Variants in GABRA3 observed in about 807,000 individuals in gnomAD.
The protein encoded by GABRA3 is gamma-aminobutyric acid type A receptor subunit alpha3.
Under a neutral mutation model 30.1 loss-of-function variants are expected in GABRA3, and 10 were observed. The observed-to-expected ratio is 0.33, with a 90% CI of 0.20 to 0.56. The LOEUF (loss-of-function observed/expected upper bound fraction) is 0.56. GABRA3 is among the 20% of genes least tolerant of loss of function. The probability of loss-of-function intolerance (pLI) is 0.89; values close to 1 mark genes in which losing one functional copy is unlikely to be tolerated. For synonymous variants in GABRA3, 151 were observed against 146.8 expected (o/e 1.03, Z -0.21); for missense variants, 233 against 392.0 (o/e 0.59, Z 3.42).
intron 9 of GABRA3, among the ~76,000 whole-genome samples, chrX:152,175,792 C>T (rs183387770): frequency 7.2e-5 from 8 of 111,060 alleles, no homozygotes; most frequent in African/African-American, 9.8e-5. Context: ...AGGCTGGGCA[C>T]GGTGCCTCAC....
chrX:152,419,147 G>A lies in GABRA3; in HGVS notation c.-27+31999C>T, dbSNP rs192891210. On this transcript the variant is annotated intron_variant, in intron 1 of 9. Transcript: ENST00000370314. Reference sequence around the variant, plus strand: ...CACACACCGGGGTCTGTTGTGGGGTGGGGGGTGCGGGGAGGGATAGCATTT... The same window carrying A: ...CACACACCGGGGTCTGTTGTGGGGTAGGGGGTGCGGGGAGGGATAGCATTT... Among the ~76,000 whole-genome samples, 553 of 110,097 alleles carry A rather than the reference G, an allele frequency of 5.0e-3. 17 individuals are homozygous for A. In the East Asian group the frequency reaches 0.071, roughly 14 times the overall value.
intron 1 of GABRA3, among the ~76,000 whole-genome samples, chrX:152,373,772 C>T (rs1928908625): frequency 9.2e-6 from 1 of 108,855 alleles, no homozygotes; most frequent in Non-Finnish European, 1.9e-5. Context: ...TGCTATCCCT[C>T]CCCCATCCCC....
intron 3 of GABRA3, among the ~76,000 whole-genome samples, chrX:152,304,432 G>A (rs752794501): frequency 6.2e-5 from 7 of 112,198 alleles, no homozygotes; most frequent in South Asian, 7.4e-4. Context: ...GTAGTTTGGC[G>A]TCTTATATTT....
chrX:152,258,504 A>C (rs1938675305), intron 4 of GABRA3, among the ~76,000 whole-genome samples: 1 of 111,889 alleles, frequency 8.9e-6, no homozygotes, highest in Non-Finnish European at 1.9e-5. Flanking sequence ...GGGGAGAAAA[A>C]ATATTCAAAG....
chrX:152,311,156 T>C (rs936472895), intron 3 of GABRA3, among the ~76,000 whole-genome samples: 1 of 111,615 alleles, frequency 9.0e-6, no homozygotes, highest in African/African-American at 3.3e-5. Context: ...GTAACAATCC[T>C]ACCATCTATT....
At chrX:152,348,089 A>AT (rs759783802) in intron 2 of GABRA3, among the ~76,000 whole-genome samples, 2 of 111,628 alleles carry the variant, frequency 1.8e-5, no homozygotes, top group Non-Finnish European at 3.8e-5. Context: ...TTTATTACTG[A>AT]TTTTTTTTCT....
chrX:152,280,309 C>CAT (rs1370335834), intron 4 of GABRA3, among the ~76,000 whole-genome samples: 4 of 111,462 alleles, frequency 3.6e-5, no homozygotes, highest in Non-Finnish European at 7.5e-5. Context: ...TCTGCAATGC[C>CAT]ATATCCTGTG....
At chrX:152,226,818 C>A (rs2124383517) in intron 5 of GABRA3, among the ~76,000 whole-genome samples, 1 of 111,967 alleles carries the variant, frequency 8.9e-6, no homozygotes, top group Admixed American at 9.5e-5. Flanking sequence ...AAATGCAAAT[C>A]AAAACCACAA....
intron 3 of GABRA3, among the ~76,000 whole-genome samples, chrX:152,291,845 C>A (rs1404596732): frequency 1.8e-5 from 2 of 112,100 alleles, no homozygotes; most frequent in Non-Finnish European, 3.8e-5. Context: ...ACCAGCCTTG[C>A]ATCCCAGGGA....
intron 3 of GABRA3, among the ~76,000 whole-genome samples, chrX:152,318,547 C>A (rs747538466): frequency 9.0e-6 from 1 of 111,271 alleles, no homozygotes; most frequent in South Asian, 3.8e-4. Context: ...GACCAATATC[C>A]ATGATGAACA....
intron 1 of GABRA3, among the ~76,000 whole-genome samples, chrX:152,384,226 AAC>A (rs1446864736): frequency 9.0e-6 from 1 of 111,631 alleles, no homozygotes; most frequent in Non-Finnish European, 1.9e-5. Context: ...CATTGAAGAA[AAC>A]ACAAATAAAT....
intron 1 of GABRA3, among the ~76,000 whole-genome samples, chrX:152,412,382 C>G (rs1930096303): frequency 9.0e-6 from 1 of 111,654 alleles, no homozygotes; most frequent in South Asian, 3.7e-4. Context: ...AATGTCATAG[C>G]AGTACACTTC....
intron 1 of GABRA3, among the ~76,000 whole-genome samples, chrX:152,443,242 A>G (rs1930980314): frequency 8.9e-6 from 1 of 111,997 alleles, no homozygotes; most frequent in South Asian, 3.7e-4. Context: ...GAAATATAAA[A>G]AAGTATTCAA....
chrX:152,277,373 TATA>T (rs1182824312), intron 4 of GABRA3, among the ~76,000 whole-genome samples: 1 of 111,665 alleles, frequency 9.0e-6, no homozygotes, highest in Non-Finnish European at 1.9e-5. Flanking sequence ...GAATTATTAC[TATA>T]ATGTCTTTTT....
chrX:152,317,277 T>C (rs975002601), intron 3 of GABRA3, among the ~76,000 whole-genome samples: 23 of 111,525 alleles, frequency 2.1e-4, no homozygotes, highest in Admixed American at 5.7e-4. Flanking sequence ...GTCACAAACC[T>C]AAATATATAT....
At chrX:152,180,089 C>T (rs145356115) in intron 9 of GABRA3, among the ~76,000 whole-genome samples, 290 of 111,596 alleles carry the variant, frequency 2.6e-3, no homozygotes, top group African/African-American at 8.6e-3. Context: ...GTAGTGGGGT[C>T]GATCAACCAT....
At position 152,376,798 on chromosome X, in the gene GABRA3, TTCTG is replaced by T. The variant is rs751781769; in HGVS notation, c.-26-12206_-26-12203del. Among the ~76,000 whole-genome samples, 475 of 111,853 alleles carry T rather than the reference TTCTG, an allele frequency of 4.2e-3. 1 individual carries two copies. Among genetic ancestry groups the T allele is most frequent in the African/African-American group, 0.015 (461 of 30,801 alleles). The stretch of plus-strand genomic sequence containing the variant: ...TGATACCAATCTAATTACACTGCAG[TTCTG>T]TCTATTTCTATTCAATATTTTTGTG... On this transcript the variant is annotated intron_variant, in intron 1 of 9. Transcript: ENST00000370314.
At chrX:152,319,255 A>G (rs1939924947) in intron 3 of GABRA3, among the ~76,000 whole-genome samples, 1 of 111,827 alleles carries the variant, frequency 8.9e-6, no homozygotes, top group Admixed American at 9.5e-5. Flanking sequence ...ACCAAAAAAG[A>G]GCCCACATAG....
At position 152,252,147 on chromosome X, in the gene GABRA3, C is replaced by T. The variant is rs767917244; in HGVS notation, c.551+3631G>A. Among the ~76,000 whole-genome samples, 6 of 111,202 alleles carry T rather than the reference C, an allele frequency of 5.4e-5. No individual in the cohort carries two copies. In the East Asian group the frequency reaches 1.4e-3, roughly 26 times the overall value. On this transcript the variant is annotated intron_variant, in intron 5 of 9. Transcript: ENST00000370314. ...GTAGCTATGATACCTCCCTCCCTTT[C>T]ATTTTTCAAACAAGCTTCTCGAAGG... is the stretch of plus-strand genomic sequence containing the variant.
Sources: allele counts gnomAD v4.1 joint callset (sites outside exome capture counted in the v4.1 genomes callset), GRCh38; gene constraint gnomAD v4.1.1; transcripts MANE v1.5; gene names NCBI Gene and HGNC (gene_info 2026-07-23, HGNC 2026-07-21).